PHTF1: variants seen among roughly 807,000 people sequenced by gnomAD.
PHTF1 encodes protein PHTF1.
In PHTF1, 88 loss-of-function variants were observed where a neutral mutation model predicts 102.4. The observed-to-expected ratio is 0.86, with a 90% CI of 0.72 to 1.03. The LOEUF (loss-of-function observed/expected upper bound fraction) is 1.03, where lower values mean the gene tolerates loss of function less well. Among genes scored for constraint, PHTF1 ranks in the 50% least tolerant of loss-of-function variants. The pLI is 0.00. For missense variants in PHTF1, 814 were observed against 909.5 expected, an observed-to-expected ratio of 0.89 and a Z score of 1.35; for synonymous variants, 289 against 305.2, an observed-to-expected ratio of 0.95 and a Z score of 0.55.
At chr1:113,733,939 T>A (rs1183258103) in intron 5 of PHTF1, among the ~76,000 whole-genome samples, 2 of 152,082 alleles carry the variant, frequency 1.3e-5, no homozygotes, top group African/African-American at 4.8e-5. Context: ...TAAACATTTT[T>A]AAAAGAGATT....
chr1:113,698,343 G>A lies in PHTF1; in HGVS notation c.2187C>T (p.Pro729=). Residue 729 remains proline, a synonymous_variant, in exon 18 of 19, where the codon CCC becomes CCT. Transcript: ENST00000369604. ...CTACTCTTGTGATATTGTAGATTAAGGGATTCATTGTCAGTCCATAGAGTC... is the reference window on the plus strand; with the variant it reads ...CTACTCTTGTGATATTGTAGATTAAAGGATTCATTGTCAGTCCATAGAGTC... ...PFRLYGLTMN[P]LIYNITRVVI... 1.9e-6 allele frequency: 3 copies of A among 1,608,992 alleles called. No homozygotes were observed. The highest frequency in any genetic ancestry group is 2.6e-6 in the Non-Finnish European group (3 of 1,175,512).
chr1:113,713,572 A>G, intron 7 of PHTF1, 134 bp from the exon 8 acceptor site: 1 of 611,846 alleles, frequency 1.6e-6, no homozygotes, highest in Non-Finnish European at 2.9e-6. Context: ...TCAGGACTTT[A>G]GCTTGCTAAG....
chr1:113,718,389 G>T (rs1033991987), intron 7 of PHTF1, among the ~76,000 whole-genome samples: 2 of 152,198 alleles, frequency 1.3e-5, no homozygotes, highest in Non-Finnish European at 1.5e-5. Flanking sequence ...GAGTGTCTGA[G>T]GCTTTGCCAG....
At position 113,759,033 on chromosome 1, in the gene PHTF1, T is replaced by G; in HGVS notation, c.-41A>C. 1 of 1,024,104 alleles carries G rather than the reference T, an allele frequency of 9.8e-7. No homozygotes were observed. Among genetic ancestry groups the G allele is most frequent in the Non-Finnish European group, 1.2e-6 (1 of 855,904 alleles). 63.4% of individuals were successfully genotyped at this position (1,024,104 alleles called of 1,614,324 possible). Reference sequence around the variant, plus strand: ...GCGTCCGGCTCTCACCTAGTGCCCGTTGCCCCGCGGGCCGGCGCCCGGGAC... The same window carrying G: ...GCGTCCGGCTCTCACCTAGTGCCCGGTGCCCCGCGGGCCGGCGCCCGGGAC... On this transcript the variant is annotated 5_prime_UTR_variant, in exon 1 of 19. Coordinates refer to ENST00000369604, the MANE Select transcript of PHTF1 (RefSeq NM_001323043.2).
rs112302726 is a variant in PHTF1, at chr1:113,699,256, C to T, written c.2142+448G>A. ...AGTGTGAGGCTTGCTAATCTTGTTCCCCCAGTAGTCTCCTCACACAGGGAG... is the reference window on the plus strand; with the variant it reads ...AGTGTGAGGCTTGCTAATCTTGTTCTCCCAGTAGTCTCCTCACACAGGGAG... On this transcript the variant is annotated intron_variant, in intron 17 of 18. Transcript: ENST00000369604. 697 of 247,860 alleles carry T rather than the reference C, an allele frequency of 2.8e-3. 2 individuals carry two copies. Among genetic ancestry groups the T allele is most frequent in the Non-Finnish European group, 4.1e-3 (509 of 125,198 alleles). The allele number at this position is 247,860 out of a possible 1,614,324, so 15.4% of individuals were successfully genotyped here.
At chr1:113,740,401 C>T (rs1167416250) in intron 3 of PHTF1, among the ~76,000 whole-genome samples, 2 of 152,094 alleles carry the variant, frequency 1.3e-5, no homozygotes, top group Non-Finnish European at 1.5e-5. Flanking sequence ...AGCTCATTCA[C>T]CCATTTTAAA....
chr1:113,707,948 TATGCATA>T (rs1446873468), intron 11 of PHTF1, among the ~76,000 whole-genome samples: 1 of 91,308 alleles, frequency 1.1e-5, no homozygotes, highest in Non-Finnish European at 2.3e-5. Context: ...AAGAAACCTG[TATGCATA>T]AGGGCCCAGA....
chr1:113,751,884 T>C (rs1220996497), intron 3 of PHTF1, among the ~76,000 whole-genome samples: 1 of 152,250 alleles, frequency 6.6e-6, no homozygotes, highest in Non-Finnish European at 1.5e-5. Context: ...TGCCAACATT[T>C]GGTATTGTCA....
At chr1:113,713,195 C>A in intron 8 of PHTF1, 84 bp downstream of exon 8, 1 of 1,189,876 alleles carries the variant, frequency 8.4e-7, no homozygotes, top group East Asian at 2.3e-5. Flanking sequence ...CCTACTAGTA[C>A]CTATTTTATA....
intron 5 of PHTF1, among the ~76,000 whole-genome samples, chr1:113,733,692 T>A (rs558026924): frequency 1.5e-4 from 23 of 152,278 alleles, no homozygotes; most frequent in Admixed American, 3.3e-4. Flanking sequence ...AATCTGCTAG[T>A]GCTCTGATCT....
At chr1:113,724,301 G>A (rs1653476837) in intron 7 of PHTF1, among the ~76,000 whole-genome samples, 1 of 152,042 alleles carries the variant, frequency 6.6e-6, no homozygotes, top group Admixed American at 6.6e-5. Context: ...CAGGCCAGGT[G>A]TGATGGCTCA....
Sources: gnomAD v4.1 joint callset for allele counts (sites outside exome capture counted in the v4.1 genomes callset) on GRCh38, gnomAD v4.1.1 for gene constraint, MANE v1.5 for transcripts, NCBI Gene and HGNC (gene_info 2026-07-23, HGNC 2026-07-21) for gene names.